Variants in TAF11L12 observed in about 807,000 individuals in gnomAD.
The protein encoded by TAF11L12 is TATA-box-binding protein-associated factor 11-like protein 12.
chr5:17,611,905 G>T (rs966619708), downstream of TAF11L12, among the ~76,000 whole-genome samples: 13 of 151,296 alleles, frequency 8.6e-5, no homozygotes, highest in Admixed American at 5.9e-4. Flanking sequence ...CCCTTTCCAG[G>T]AGATTTGTAC....
At chr5:17,610,676 T>G (rs191499390) in exon 1 of TAF11L12, 7 of 249,050 alleles carry the variant, frequency 2.8e-5, no homozygotes, top group Non-Finnish European at 4.6e-5. Context: ...GGCCTAGCAG[T>G]ACTTCTGACC....
At chr5:17,611,873 T>G (rs532671950), downstream of TAF11L12, among the ~76,000 whole-genome samples, 3 of 151,440 alleles carry the variant, frequency 2.0e-5, no homozygotes, top group South Asian at 2.1e-4. Context: ...TGTGGACAGG[T>G]AGCTGCATTT....
chr5:17,610,451 C>G (rs1396639519), upstream of TAF11L12: 2 of 152,060 alleles, frequency 1.3e-5, 1 homozygote, highest in Non-Finnish European at 2.9e-5. Context: ...GCCTCACAGC[C>G]CAGACCTGGG....
chr5:17,611,743 A>T (rs148888039), downstream of TAF11L12, among the ~76,000 whole-genome samples: 1 of 151,634 alleles, frequency 6.6e-6, no homozygotes, highest in East Asian at 1.9e-4. Flanking sequence ...TACCTAGGTG[A>T]AGACAGCAGA....
Position 17,610,953 on chromosome 5 carries a change from T to C in TAF11L12, c.-37T>C, listed in dbSNP as rs139729042. 4.4e-3 allele frequency: 1,766 copies of C among 397,664 alleles called. 99 individuals are homozygous for C. The highest frequency in any genetic ancestry group is 0.033 in the African/African-American group (1,599 of 48,262). The allele number at this position is 397,664 out of a possible 1,614,324, so 24.6% of individuals were successfully genotyped here. A position where few individuals can be genotyped will look rare whatever the true frequency, so the allele number is the denominator to read the frequency against. On this transcript the variant is annotated 5_prime_UTR_variant, in exon 1 of 1. Coordinates refer to ENST00000503184, the Ensembl canonical transcript of TAF11L12. ...CCACCCCAGCCAGAACTTCTGCCTGTACAGCTGCTGTCACGGAGCAGACTT... is the reference window on the plus strand; with the variant it reads ...CCACCCCAGCCAGAACTTCTGCCTGCACAGCTGCTGTCACGGAGCAGACTT...
downstream of TAF11L12, chr5:17,611,685 C>A: frequency 2.5e-6 from 1 of 395,998 alleles, no homozygotes; most frequent in South Asian, 1.4e-4. Flanking sequence ...TCTCAGTCCA[C>A]CCTGGATTCA....
exon 1 of TAF11L12, chr5:17,611,042 A>C (rs981723689): frequency 2.5e-6 from 1 of 397,730 alleles, no homozygotes; most frequent in African/African-American, 2.1e-5. Context: ...GCCATGCCCC[A>C]AGGTCTGAAG....
exon 1 of TAF11L12, chr5:17,610,856 G>T (rs1250390767): frequency 7.6e-6 from 3 of 394,526 alleles, no homozygotes; most frequent in Non-Finnish European, 1.3e-5. Flanking sequence ...GTCCAGTTAT[G>T]GTTAAACTGG....
downstream of TAF11L12, among the ~76,000 whole-genome samples, chr5:17,611,880 A>G (rs1280730685): frequency 6.6e-6 from 1 of 151,412 alleles, no homozygotes; most frequent in Non-Finnish European, 1.5e-5. Flanking sequence ...AGGTAGCTGC[A>G]TTTGGAGAGG....
chr5:17,611,093 A>T, exon 1 of TAF11L12: 1 of 397,932 alleles, frequency 2.5e-6, no homozygotes. Context: ...CTAGATGGGA[A>T]CTTGGAAGAA....
exon 1 of TAF11L12, chr5:17,610,973 A>G (rs567787019): frequency 2.5e-6 from 1 of 397,932 alleles, no homozygotes; most frequent in African/African-American, 2.1e-5. Flanking sequence ...GTCACGGAGC[A>G]GACTTGAATC....
At chr5:17,611,239 C>A (rs1739270024) in exon 1 of TAF11L12, 3 of 398,268 alleles carry the variant, frequency 7.5e-6, no homozygotes, top group East Asian at 7.1e-5. Flanking sequence ...GGAGAGGAAG[C>A]CCACCGTGGA....
At chr5:17,611,193 A>G (rs1739269134) in exon 1 of TAF11L12, 1 of 398,304 alleles carries the variant, frequency 2.5e-6, no homozygotes, top group Non-Finnish European at 4.4e-6. Context: ...CTCCTCCTGC[A>G]GCCAAAAGAC....
At chr5:17,612,065 C>T (rs1286260146), downstream of TAF11L12, among the ~76,000 whole-genome samples, 2 of 151,502 alleles carry the variant, frequency 1.3e-5, no homozygotes, top group Non-Finnish European at 2.9e-5. Context: ...ATCACAAAAG[C>T]AGTTAAACTG....
chr5:17,611,219 A>T, exon 1 of TAF11L12: 3 of 398,352 alleles, frequency 7.5e-6, no homozygotes, highest in Non-Finnish European at 1.3e-5. Flanking sequence ...ACAGATACCA[A>T]GGGGAAGAAG....
At position 17,610,973 on chromosome 5, in the gene TAF11L12, A is replaced by C. The variant is rs567787019; in HGVS notation, c.-17A>C. On this transcript the variant is annotated 5_prime_UTR_variant, in exon 1 of 1. Transcript: ENST00000503184. ...GCCTGTACAGCTGCTGTCACGGAGCAGACTTGAATCTCACCCATGGAGACA... is the reference window on the plus strand; with the variant it reads ...GCCTGTACAGCTGCTGTCACGGAGCCGACTTGAATCTCACCCATGGAGACA... 91 of 397,814 alleles carry C rather than the reference A, an allele frequency of 2.3e-4. 4 individuals carry two copies. The highest frequency in any genetic ancestry group is 3.8e-4 in the Non-Finnish European group (86 of 225,724). The allele number at this position is 397,814 out of a possible 1,614,324, so 24.6% of individuals were successfully genotyped here.
chr5:17,611,631 A>G (rs1207070599), downstream of TAF11L12: 5 of 397,680 alleles, frequency 1.3e-5, no homozygotes, highest in South Asian at 2.6e-4. Flanking sequence ...TAAGTATCGC[A>G]TTCATCTTCC....
chr5:17,611,876 C>G (rs997887395), downstream of TAF11L12, among the ~76,000 whole-genome samples: 3 of 151,350 alleles, frequency 2.0e-5, no homozygotes, highest in East Asian at 5.8e-4. Flanking sequence ...GGACAGGTAG[C>G]TGCATTTGGA....
downstream of TAF11L12, among the ~76,000 whole-genome samples, chr5:17,611,765 T>G (rs1262867047): frequency 1.3e-5 from 2 of 151,502 alleles, no homozygotes; most frequent in African/African-American, 4.9e-5. Flanking sequence ...TGTTTCACAG[T>G]AGCCTTGGCT....
Sources: allele counts gnomAD v4.1 joint callset (sites outside exome capture counted in the v4.1 genomes callset), GRCh38; gene constraint gnomAD v4.1.1; transcripts MANE v1.5; gene names NCBI Gene and HGNC (gene_info 2026-07-23, HGNC 2026-07-21).